Variants in TAFA1 observed in about 807,000 individuals in gnomAD.
TAFA1 encodes chemokine-like protein TAFA-1.
A neutral mutation model predicts 18.5 loss-of-function variants in TAFA1; 4 were observed. The observed-to-expected ratio is 0.22, with a 90% confidence interval of 0.11 to 0.49. The LOEUF (loss-of-function observed/expected upper bound fraction) is 0.49, where lower values mean the gene tolerates loss of function less well. Ranked by LOEUF, TAFA1 falls within the 20% of genes least tolerant of loss-of-function variation. TAFA1 has a pLI of 0.98. For synonymous variants in TAFA1, 56 were observed against 55.2 expected, an observed-to-expected ratio of 1.01 and a Z score of -0.06; for missense variants, 147 against 169.0, an observed-to-expected ratio of 0.87 and a Z score of 0.72.
chr3:68,305,580 T>C (rs2068402680), intron 2 of TAFA1, among the ~76,000 whole-genome samples: 1 of 151,228 alleles, frequency 6.6e-6, no homozygotes. Flanking sequence ...TTTAGATCTC[T>C]TTAGATCTCT....
At chr3:68,071,957 A>T (rs942411434) in intron 2 of TAFA1, among the ~76,000 whole-genome samples, 1 of 152,170 alleles carries the variant, frequency 6.6e-6, no homozygotes, top group African/African-American at 2.4e-5. Flanking sequence ...CAGTATTAGG[A>T]ATTACAATTA....
At chr3:68,078,271 C>T (rs2064852379) in intron 2 of TAFA1, among the ~76,000 whole-genome samples, 1 of 151,562 alleles carries the variant, frequency 6.6e-6, no homozygotes, top group African/African-American at 2.4e-5. Context: ...GACAATTTGA[C>T]TTCCTCTTTT....
intron 3 of TAFA1, among the ~76,000 whole-genome samples, chr3:68,487,513 C>A (rs998918401): frequency 6.6e-6 from 1 of 151,774 alleles, no homozygotes; most frequent in Non-Finnish European, 1.5e-5. Context: ...TTTGGGAGGC[C>A]GAGGCGGGCG....
chr3:68,049,945 G>A (rs544419540), intron 2 of TAFA1, among the ~76,000 whole-genome samples: 15 of 152,192 alleles, frequency 9.9e-5, no homozygotes, highest in African/African-American at 3.6e-4. Flanking sequence ...TCCCATAAAT[G>A]GCTGTTCTGT....
At chr3:68,453,970 CT>C (rs2071611892) in intron 3 of TAFA1, among the ~76,000 whole-genome samples, 3 of 152,242 alleles carry the variant, frequency 2.0e-5, no homozygotes, top group Admixed American at 2.0e-4. Flanking sequence ...AGGAGAAGGG[CT>C]GAAATGAGAA....
chr3:68,162,236 T>A (rs1660814292), intron 2 of TAFA1, among the ~76,000 whole-genome samples: 2 of 152,182 alleles, frequency 1.3e-5, no homozygotes, highest in Admixed American at 6.5e-5. Flanking sequence ...GGTACTCAAC[T>A]TTTTAGCACC....
chr3:68,162,631 G>A (rs1481826400), intron 2 of TAFA1, among the ~76,000 whole-genome samples: 4 of 152,116 alleles, frequency 2.6e-5, no homozygotes, highest in Non-Finnish European at 5.9e-5. Flanking sequence ...CAATAGTGTG[G>A]ACTTTATTTT....
intron 2 of TAFA1, among the ~76,000 whole-genome samples, chr3:68,023,013 A>G (rs2106801102): frequency 6.8e-6 from 1 of 147,446 alleles, no homozygotes; most frequent in South Asian, 2.1e-4. Flanking sequence ...AATCAGGCTC[A>G]GAGAGGTTAA....
chr3:68,287,559 C>T (rs960848313), intron 2 of TAFA1, among the ~76,000 whole-genome samples: 2 of 152,134 alleles, frequency 1.3e-5, no homozygotes, highest in African/African-American at 2.4e-5. Context: ...GCATCTGGCA[C>T]CCTGTGAGAA....
intron 4 of TAFA1, among the ~76,000 whole-genome samples, chr3:68,541,896 C>G (rs929772590): frequency 3.9e-5 from 6 of 152,076 alleles, no homozygotes; most frequent in Non-Finnish European, 8.8e-5. Context: ...GTTTCAAAGT[C>G]TGATCTAATT....
intron 3 of TAFA1, among the ~76,000 whole-genome samples, chr3:68,465,895 G>T (rs77281802): frequency 3.3e-5 from 5 of 152,288 alleles, no homozygotes; most frequent in Admixed American, 6.5e-5. Context: ...ACACTAGGCA[G>T]GGGAGTAAGG....
At chr3:68,100,220 C>G (rs1199115145) in intron 2 of TAFA1, among the ~76,000 whole-genome samples, 1 of 152,202 alleles carries the variant, frequency 6.6e-6, no homozygotes, top group Non-Finnish European at 1.5e-5. Flanking sequence ...CACAGTGGTT[C>G]ATGCCTGTAA....
chr3:68,001,350 T>G (rs1211176347), upstream of TAFA1, among the ~76,000 whole-genome samples: 4 of 152,058 alleles, frequency 2.6e-5, no homozygotes, highest in Non-Finnish European at 4.4e-5. Flanking sequence ...GACTCCTACA[T>G]GAAGGTTATC....
chr3:68,256,285 C>A (rs1232788029), intron 2 of TAFA1, among the ~76,000 whole-genome samples: 1 of 151,968 alleles, frequency 6.6e-6, no homozygotes, highest in Non-Finnish European at 1.5e-5. Context: ...TTCCTTTAGC[C>A]ACAGGGGAAA....
chr3:68,482,416 A>G (rs2072254476), intron 3 of TAFA1, among the ~76,000 whole-genome samples: 2 of 152,174 alleles, frequency 1.3e-5, no homozygotes, highest in Non-Finnish European at 2.9e-5. Context: ...AAGTTAACCA[A>G]TGATTACCAC....
At chr3:68,354,429 T>C (rs968813299) in intron 2 of TAFA1, among the ~76,000 whole-genome samples, 3 of 151,886 alleles carry the variant, frequency 2.0e-5, no homozygotes, top group Non-Finnish European at 4.4e-5. Context: ...GTGCCTTCAT[T>C]TTCCCCAATC....
intron 2 of TAFA1, among the ~76,000 whole-genome samples, chr3:68,064,369 G>T (rs746632457): frequency 4.6e-5 from 7 of 152,272 alleles, no homozygotes; most frequent in Admixed American, 2.0e-4. Context: ...CAGTTTCCTA[G>T]GGAAATGCAC....
intron 2 of TAFA1, among the ~76,000 whole-genome samples, chr3:68,326,310 T>C (rs2106718186): frequency 6.6e-6 from 1 of 152,300 alleles, no homozygotes; most frequent in South Asian, 2.1e-4. Context: ...TCTTCAGTTG[T>C]TTTAAATGAC....
chr3:68,395,178 C>A lies in TAFA1; in HGVS notation c.119-22102C>A, dbSNP rs980938777. 2.0e-5 allele frequency among the ~76,000 whole-genome samples: 3 copies of A among 151,914 alleles called. No homozygotes were observed. In the East Asian group the frequency reaches 5.8e-4, roughly 29 times the overall value. On this transcript the variant is annotated intron_variant, in intron 2 of 4. Transcript: ENST00000478136. ...CAAAAGAAGACATTTATGCGGCCAA[C>A]AAACATATGAAAAAAAAACTCATCA...
Sources: gnomAD v4.1 joint callset for allele counts (sites outside exome capture counted in the v4.1 genomes callset) on GRCh38, gnomAD v4.1.1 for gene constraint, MANE v1.5 for transcripts, NCBI Gene and HGNC (gene_info 2026-07-23, HGNC 2026-07-21) for gene names.